Variants in PCDHA5 observed in about 807,000 individuals in gnomAD.
PCDHA5 encodes protocadherin alpha-5.
A neutral mutation model predicts 61.6 loss-of-function variants in PCDHA5; 43 were observed. The ratio of observed to expected loss-of-function variants is 0.70; its 90% CI spans 0.55 to 0.90. PCDHA5 has a LOEUF of 0.90. PCDHA5 is among the 40% of genes least tolerant of loss of function. PCDHA5 has a pLI of 0.00. For missense variants in PCDHA5, 1,298 were observed against 1,222.7 expected, an observed-to-expected ratio of 1.06 and a Z score of -0.92; for synonymous variants, 627 against 543.9, an observed-to-expected ratio of 1.15 and a Z score of -2.13.
intron 1 of PCDHA5, among the ~76,000 whole-genome samples, chr5:140,917,700 T>C (rs879971168): frequency 2.0e-5 from 3 of 152,166 alleles, no homozygotes; most frequent in Non-Finnish European, 4.4e-5. Flanking sequence ...GATCAGATAA[T>C]TGTAGGTGTG....
At chr5:140,924,507 C>T (rs2081871616) in intron 1 of PCDHA5, among the ~76,000 whole-genome samples, 1 of 152,168 alleles carries the variant, frequency 6.6e-6, no homozygotes, top group African/African-American at 2.4e-5. Context: ...CAATCCCACT[C>T]TTAGTGTTAA....
intron 1 of PCDHA5, chr5:140,850,369 G>A (rs2041555140): frequency 1.3e-6 from 2 of 1,597,806 alleles, no homozygotes; most frequent in Admixed American, 1.7e-5. Context: ...TTCCGCGTGG[G>A]GCTGTACACG....
intron 1 of PCDHA5, chr5:140,857,580 C>A (rs782567056): frequency 6.3e-7 from 1 of 1,596,630 alleles, no homozygotes; most frequent in South Asian, 1.1e-5. Context: ...TCGGTGCACG[C>A]GGAGAGCGGC....
chr5:140,923,247 T>G (rs1230824523), intron 1 of PCDHA5, among the ~76,000 whole-genome samples: 6 of 152,252 alleles, frequency 3.9e-5, no homozygotes, highest in African/African-American at 1.4e-4. Flanking sequence ...TGAGACCAGC[T>G]GGGCAACATA....
In PCDHA5 at chr5:140,949,530, A is replaced by G. The variant is rs535959568; in HGVS notation, c.2353-29419A>G. Among the ~76,000 whole-genome samples, 8 of 151,972 alleles carry G rather than the reference A, an allele frequency of 5.3e-5. No homozygotes were observed. The South Asian group carries it at 1.7e-3, about 31-fold the overall frequency. On this transcript the variant is annotated intron_variant, in intron 1 of 3. Coordinates refer to ENST00000529859, the MANE Select transcript of PCDHA5 (RefSeq NM_018908.3). ...GATTTATTGATCCTTTTATCTTCATAAAATATCGATTTGTTGCTGGTCATA... is the reference window on the plus strand; with the variant it reads ...GATTTATTGATCCTTTTATCTTCATGAAATATCGATTTGTTGCTGGTCATA...
chr5:140,888,447 A>G (rs1554183478), intron 1 of PCDHA5, among the ~76,000 whole-genome samples: 1 of 152,190 alleles, frequency 6.6e-6, no homozygotes, highest in Non-Finnish European at 1.5e-5. Context: ...CCCAACAATA[A>G]AGAATTAGCT....
intron 1 of PCDHA5, chr5:140,969,181 T>C (rs1554231546): frequency 1.2e-6 from 2 of 1,613,978 alleles, no homozygotes; most frequent in Non-Finnish European, 8.5e-7. Flanking sequence ...GGAGTGACAC[T>C]TTCATGTTTT....
chr5:140,849,562 C>T, intron 1 of PCDHA5: 2 of 1,598,556 alleles, frequency 1.3e-6, no homozygotes, highest in Non-Finnish European at 1.7e-6. Context: ...AAAACGCTCT[C>T]GGTTCCTGTA....
Position 140,965,562 on chromosome 5 carries a change from A to G in PCDHA5, c.2353-13387A>G, listed in dbSNP as rs548302746. 1.9e-4 allele frequency among the ~76,000 whole-genome samples: 29 copies of G among 152,242 alleles called. No homozygotes were observed. In the South Asian group the frequency reaches 6.0e-3, roughly 32 times the overall value. On this transcript the variant is annotated intron_variant, in intron 1 of 3. Coordinates refer to ENST00000529859, the MANE Select transcript of PCDHA5 (RefSeq NM_018908.3). ...AATTCCAGCCTGGCTTAGGAGATCA[A>G]CAGTAACGCTCTTGATTTAATGGTT...
At chr5:141,004,657 G>A (rs565994909) in intron 3 of PCDHA5, among the ~76,000 whole-genome samples, 1 of 152,262 alleles carries the variant, frequency 6.6e-6, no homozygotes, top group Admixed American at 6.5e-5. Context: ...TGGGCTCTGA[G>A]GGCAACTAAA....
chr5:140,895,166 C>T (rs1319581978), intron 1 of PCDHA5, among the ~76,000 whole-genome samples: 1 of 152,138 alleles, frequency 6.6e-6, no homozygotes, highest in Non-Finnish European at 1.5e-5. Context: ...ACAATCCAAT[C>T]TATTTGTAGT....
intron 1 of PCDHA5, among the ~76,000 whole-genome samples, chr5:140,924,871 G>C: frequency 6.7e-6 from 1 of 149,164 alleles, no homozygotes; most frequent in Non-Finnish European, 1.5e-5. Flanking sequence ...CTCCAGCCTG[G>C]GTGACAGAGC....
intron 1 of PCDHA5, chr5:140,836,241 A>C: frequency 6.2e-7 from 1 of 1,613,778 alleles, no homozygotes; most frequent in Non-Finnish European, 8.5e-7. Context: ...CGGTGCGAGC[A>C]TCCCGTTCCG....
intron 1 of PCDHA5, among the ~76,000 whole-genome samples, chr5:140,904,137 G>A (rs2070857554): frequency 6.6e-6 from 1 of 152,040 alleles, no homozygotes; most frequent in African/African-American, 2.4e-5. Context: ...CATCACCCGA[G>A]CAGTATACAT....
In PCDHA5 at chr5:140,849,729, G is replaced by A. The variant is rs1180272167; in HGVS notation, c.2352+25602G>A. On this transcript the variant is annotated intron_variant, in intron 1 of 3. Transcript: ENST00000529859. ...TTACTACTCGTTGGTGCTGGACAGA[G>A]CTCTGGACCGCGAGAGTGTGTCCGC... 5.6e-6 allele frequency: 9 copies of A among 1,598,378 alleles called. 1 individual carries two copies. Among genetic ancestry groups the A allele is most frequent in the Non-Finnish European group, 7.7e-6 (9 of 1,168,014 alleles).
chr5:140,906,816 G>A (rs574852506), intron 1 of PCDHA5, among the ~76,000 whole-genome samples: 6 of 152,360 alleles, frequency 3.9e-5, no homozygotes, highest in African/African-American at 1.4e-4. Context: ...TACCTCCACT[G>A]TGGAGTAGTA....
At chr5:140,826,553 C>A (rs2150080050) in intron 1 of PCDHA5, among the ~76,000 whole-genome samples, 1 of 152,176 alleles carries the variant, frequency 6.6e-6, no homozygotes, top group South Asian at 2.1e-4. Flanking sequence ...TATTTTTCTC[C>A]TTTGAAGGAG....
At chr5:140,877,414 C>T (rs1554169712) in intron 1 of PCDHA5, 22 of 1,613,930 alleles carry the variant, frequency 1.4e-5, no homozygotes, top group Non-Finnish European at 1.8e-5. Context: ...CCACCGCCTG[C>T]TGGTGCTGGT....
At chr5:141,005,199 C>T (rs2098200928) in intron 3 of PCDHA5, among the ~76,000 whole-genome samples, 1 of 152,208 alleles carries the variant, frequency 6.6e-6, no homozygotes, top group African/African-American at 2.4e-5. Flanking sequence ...TCCTTTCATT[C>T]ATTCATCCAG....
Sources: gnomAD v4.1 joint callset for allele counts (sites outside exome capture counted in the v4.1 genomes callset) on GRCh38, gnomAD v4.1.1 for gene constraint, MANE v1.5 for transcripts, NCBI Gene and HGNC (gene_info 2026-07-23, HGNC 2026-07-21) for gene names.